BBIP1: variants seen among roughly 807,000 people sequenced by gnomAD.
BBIP1 encodes the protein BBSome-interacting protein 1.
A neutral mutation model predicts 8.9 loss-of-function variants in BBIP1; 6 were observed. That is an observed-to-expected ratio of 0.67 (90% CI 0.37 to 1.33). The LOEUF (loss-of-function observed/expected upper bound fraction) is 1.33. BBIP1 is among the 40% of genes most tolerant of loss of function. The pLI is 0.02. For synonymous variants in BBIP1, 32 were observed against 33.4 expected (o/e 0.96, Z 0.14); for missense variants, 111 against 109.2 (o/e 1.02, Z -0.07).
rs1564689870 is a variant in BBIP1, at chr10:110,901,558, CG to C, written c.91del (p.Arg31GlyfsTer15). ...CATACCTTGCTTTGGAAGAACTTCC[CG>C]GAACATTGACTTCACTTCTGCCATA... ...SDMAEVKSMF[R>X]EVLPKQGPLF... On this transcript the variant is annotated frameshift_variant, in exon 3 of 4. Coordinates refer to ENST00000448814, the MANE Select transcript of BBIP1 (RefSeq NM_001195305.3). LOFTEE classifies it high-confidence loss of function. 1 of 1,535,212 alleles carries C rather than the reference CG, an allele frequency of 6.5e-7. No individual in the cohort carries two copies. Among genetic ancestry groups the C allele is most frequent in the African/African-American group, 1.4e-5 (1 of 72,996 alleles).
intron 3 of BBIP1, chr10:110,900,988 C>G (rs761250808): frequency 4.5e-6 from 1 of 221,580 alleles, no homozygotes; most frequent in Non-Finnish European, 9.2e-6. Context: ...ATTTCTTTCA[C>G]TGAAGTTTCA....
intron 3 of BBIP1, chr10:110,900,851 T>C (rs1259716673): frequency 1.6e-5 from 4 of 249,530 alleles, no homozygotes; most frequent in Non-Finnish European, 3.1e-5. Context: ...CAAAAAAATA[T>C]AGCAAAATAT....
At chr10:110,916,214 C>T (rs1846397616) in intron 2 of BBIP1, among the ~76,000 whole-genome samples, 1 of 152,214 alleles carries the variant, frequency 6.6e-6, no homozygotes, top group Admixed American at 6.5e-5. Flanking sequence ...ATGTAATTTT[C>T]AATATGATGG....
At chr10:110,900,623 CTT>C (rs1230710890) in intron 3 of BBIP1, 97 bp from the exon 4 acceptor site, 23 of 1,019,176 alleles carry the variant, frequency 2.3e-5, no homozygotes, top group Admixed American at 3.2e-5. Context: ...AAATTAATCT[CTT>C]GTCACTGAAA....
At chr10:110,914,328 G>A (rs1846345461) in intron 2 of BBIP1, among the ~76,000 whole-genome samples, 1 of 151,692 alleles carries the variant, frequency 6.6e-6, no homozygotes, top group Non-Finnish European at 1.5e-5. Context: ...GCCTAGTGTG[G>A]GGGTTCTGAG....
chr10:110,918,124 A>G lies in BBIP1; in HGVS notation c.34T>C (p.Ser12Pro). 1 of 1,535,868 alleles carries G rather than the reference A, an allele frequency of 6.5e-7. No individual in the cohort carries two copies. The highest frequency in any genetic ancestry group is 8.7e-7 in the Non-Finnish European group (1 of 1,146,688). Residue 12 changes from serine to proline, a missense_variant, in exon 2 of 4, where the codon TCA (serine) becomes CCA (proline). By Grantham distance (74) the Ser-to-Pro change is moderately conservative. Coordinates refer to ENST00000448814, the MANE Select transcript of BBIP1 (RefSeq NM_001195305.3). Reference sequence around the variant, plus strand: ...TATTAACCATTTTCAATTTTACCTGAAAGTTCTGGTCTTTTTGCTGCAGCT... The same window carrying G: ...TATTAACCATTTTCAATTTTACCTGGAAGTTCTGGTCTTTTTGCTGCAGCT... ...LKAAAKRPEL[S>P]GKNTISNNSD...
chr10:110,900,342 A>T lies in BBIP1; in HGVS notation c.*18T>A. On this transcript the variant is annotated 3_prime_UTR_variant, in exon 4 of 4. Transcript: ENST00000448814. ...TAGTAGATAAGGCAGGTTGTTCCCTAAAGTGCTCAGTTATCATTCAGTGGG... is the reference window on the plus strand; with the variant it reads ...TAGTAGATAAGGCAGGTTGTTCCCTTAAGTGCTCAGTTATCATTCAGTGGG... The T allele has an allele frequency of 6.5e-7, 1 of 1,527,852 alleles. No homozygotes were observed. Among genetic ancestry groups the T allele is most frequent in the Non-Finnish European group, 8.7e-7 (1 of 1,143,648 alleles). 94.6% of individuals were successfully genotyped at this position (1,527,852 alleles called of 1,614,324 possible).
At chr10:110,909,810 T>C (rs1846232629) in intron 2 of BBIP1, among the ~76,000 whole-genome samples, 1 of 152,222 alleles carries the variant, frequency 6.6e-6, no homozygotes, top group Non-Finnish European at 1.5e-5. Flanking sequence ...ACAAAAGCAT[T>C]ACTCTTTCAG....
At position 110,900,257 on chromosome 10, in the gene BBIP1, TTTA is replaced by T. The variant is rs1845956335; in HGVS notation, c.*100_*102del. ...TTGTATTTCTATGAATACTATCAAT[TTTA>T]TTGATAACACATACTACTTTCAGCA... On this transcript the variant is annotated 3_prime_UTR_variant, in exon 4 of 4. Transcript: ENST00000448814. 7 of 1,086,220 alleles carry T rather than the reference TTTA, an allele frequency of 6.4e-6. No homozygotes were observed. The South Asian group carries it at 1.1e-4, about 17-fold the overall frequency. 67.3% of individuals were successfully genotyped at this position (1,086,220 alleles called of 1,614,324 possible).
chr10:110,906,444 G>C (rs1433074889), intron 2 of BBIP1: 1 of 152,214 alleles, frequency 6.6e-6, no homozygotes, highest in Non-Finnish European at 1.5e-5. Context: ...CATTGATAAA[G>C]CAATTGTTGA....
chr10:110,899,275 C>T lies in BBIP1; in HGVS notation c.*1085G>A, dbSNP rs1845912492. Reference sequence around the variant, plus strand: ...TGAGGGTACTGTTAGGAGTATACTGCTTACAGGTTTAGATATAGTCTGTTA... The same window carrying T: ...TGAGGGTACTGTTAGGAGTATACTGTTTACAGGTTTAGATATAGTCTGTTA... On this transcript the variant is annotated 3_prime_UTR_variant, in exon 4 of 4. Coordinates refer to ENST00000448814, the MANE Select transcript of BBIP1 (RefSeq NM_001195305.3). 2.0e-5 allele frequency: 3 copies of T among 152,160 alleles called. No homozygotes were observed. 9.4% of individuals were successfully genotyped at this position (152,160 alleles called of 1,614,324 possible). A position where few individuals can be genotyped will look rare whatever the true frequency, so the allele number is the denominator to read the frequency against.
At chr10:110,919,277 G>A (rs1172091418), upstream of BBIP1, 1 of 293,972 alleles carries the variant, frequency 3.4e-6, no homozygotes, top group African/African-American at 2.2e-5. Flanking sequence ...ACTTCCGATC[G>A]GGGAGTTGTC....
At chr10:110,917,175 A>G (rs1490974555) in intron 2 of BBIP1, among the ~76,000 whole-genome samples, 1 of 151,244 alleles carries the variant, frequency 6.6e-6, no homozygotes, top group East Asian at 1.9e-4. Context: ...AGCTAAAGAA[A>G]AATTTTGACT....
chr10:110,899,277 T>C lies in BBIP1; in HGVS notation c.*1083A>G, dbSNP rs1189344889. On this transcript the variant is annotated 3_prime_UTR_variant, in exon 4 of 4. Coordinates refer to ENST00000448814, the MANE Select transcript of BBIP1 (RefSeq NM_001195305.3). ...AGGGTACTGTTAGGAGTATACTGCTTACAGGTTTAGATATAGTCTGTTAGA... is the reference window on the plus strand; with the variant it reads ...AGGGTACTGTTAGGAGTATACTGCTCACAGGTTTAGATATAGTCTGTTAGA... 1 of 152,220 alleles carries C rather than the reference T, an allele frequency of 6.6e-6. No homozygotes were observed. The highest frequency in any genetic ancestry group is 1.5e-5 in the Non-Finnish European group (1 of 68,022). 9.4% of individuals were successfully genotyped at this position (152,220 alleles called of 1,614,324 possible).
intron 2 of BBIP1, among the ~76,000 whole-genome samples, chr10:110,915,023 T>C (rs1846366645): frequency 6.6e-6 from 1 of 152,228 alleles, no homozygotes; most frequent in Non-Finnish European, 1.5e-5. Flanking sequence ...AGAGAAAAGT[T>C]GTTTGATACT....
intron 2 of BBIP1, chr10:110,907,057 CACT>C (rs1403124168): frequency 6.6e-6 from 1 of 152,220 alleles, no homozygotes; most frequent in Non-Finnish European, 1.5e-5. Flanking sequence ...CTTGCAGAAG[CACT>C]ACTTACTTAA....
chr10:110,916,451 A>C (rs945494809), intron 2 of BBIP1, among the ~76,000 whole-genome samples: 3 of 152,204 alleles, frequency 2.0e-5, no homozygotes, highest in Non-Finnish European at 4.4e-5. Context: ...TAGTGTACTA[A>C]GTGTTAAGTA....
intron 2 of BBIP1, among the ~76,000 whole-genome samples, chr10:110,909,456 A>G (rs1846221682): frequency 6.6e-6 from 1 of 152,172 alleles, no homozygotes; most frequent in Non-Finnish European, 1.5e-5. Context: ...GGCCTCCCAA[A>G]GTGCTGGGAT....
chr10:110,906,088 C>T (rs1846128494), intron 2 of BBIP1, among the ~76,000 whole-genome samples: 1 of 151,420 alleles, frequency 6.6e-6, no homozygotes, highest in African/African-American at 2.4e-5. Flanking sequence ...CTGCAAGCTC[C>T]GCCTCCCGGG....
Sources: allele counts gnomAD v4.1 joint callset (sites outside exome capture counted in the v4.1 genomes callset), GRCh38; gene constraint gnomAD v4.1.1; transcripts MANE v1.5; gene names NCBI Gene and HGNC (gene_info 2026-07-23, HGNC 2026-07-21).